Variants in CSMD3 observed in about 807,000 individuals in gnomAD.
CSMD3 encodes the protein CUB and sushi domain-containing protein 3.
A neutral mutation model predicts 435.2 loss-of-function variants in CSMD3; 177 were observed. That is an observed-to-expected ratio of 0.41 (90% CI 0.36 to 0.46). The LOEUF (loss-of-function observed/expected upper bound fraction) is 0.46, where lower values mean the gene tolerates loss of function less well. CSMD3 is among the 20% of genes least tolerant of loss of function. CSMD3 has a pLI of 0.34. For synonymous variants in CSMD3, 1,656 were observed against 1,520.5 expected, an observed-to-expected ratio of 1.09 and a Z score of -2.07; for missense variants, 4,265 against 4,504.6, an observed-to-expected ratio of 0.95 and a Z score of 1.52.
rs62519853 is a variant in CSMD3 at position 113,260,714 on chromosome 8, C to T, written c.514+17878G>A. Among the ~76,000 whole-genome samples the T allele has an allele frequency of 4.8e-3, 737 of 152,104 alleles. 1 individual carries two copies. The highest frequency in any genetic ancestry group is 7.5e-3 in the Non-Finnish European group (509 of 67,980). ...TGGTAGTTTGCTGCCCCTATCAATTCGCCATCTAGATTTTAAGCCCCACTC... is the reference window on the plus strand; with the variant it reads ...TGGTAGTTTGCTGCCCCTATCAATTTGCCATCTAGATTTTAAGCCCCACTC... On this transcript the variant is annotated intron_variant, in intron 3 of 70. Transcript: ENST00000297405.
chr8:112,464,997 T>C (rs1817818537), intron 32 of CSMD3, among the ~76,000 whole-genome samples: 1 of 152,228 alleles, frequency 6.6e-6, no homozygotes, highest in African/African-American at 2.4e-5. Flanking sequence ...TCTTTGGCAC[T>C]TACAATAGGC....
At chr8:112,779,986 T>C (rs966860526) in intron 13 of CSMD3, among the ~76,000 whole-genome samples, 3 of 152,086 alleles carry the variant, frequency 2.0e-5, no homozygotes, top group Non-Finnish European at 4.4e-5. Context: ...GAATTAATAT[T>C]TTTCTTTGAT....
intron 1 of CSMD3, among the ~76,000 whole-genome samples, chr8:113,416,245 G>A (rs756809180): frequency 6.6e-6 from 1 of 152,038 alleles, no homozygotes; most frequent in Non-Finnish European, 1.5e-5. Flanking sequence ...AGACTACTGT[G>A]TGAAAAATTT....
chr8:112,423,744 CT>C (rs1446367303), intron 32 of CSMD3, among the ~76,000 whole-genome samples: 2 of 152,042 alleles, frequency 1.3e-5, no homozygotes. Context: ...AAAGTTGAGA[CT>C]TTTTTCTTTA....
chr8:113,039,034 A>G (rs2087483201), intron 5 of CSMD3, among the ~76,000 whole-genome samples: 1 of 152,142 alleles, frequency 6.6e-6, no homozygotes. Flanking sequence ...TAAAAATAAA[A>G]TGTATTTTAA....
chr8:113,333,515 C>G (rs548543412), intron 1 of CSMD3, among the ~76,000 whole-genome samples: 58 of 151,776 alleles, frequency 3.8e-4, no homozygotes, highest in East Asian at 1.9e-4. Context: ...TGATCCAGCA[C>G]TATTTAGTAA....
chr8:112,548,552 T>C (rs1827393426), intron 27 of CSMD3, among the ~76,000 whole-genome samples: 1 of 152,162 alleles, frequency 6.6e-6, no homozygotes, highest in African/African-American at 2.4e-5. Flanking sequence ...TTAACTGACT[T>C]TCTGAACATT....
chr8:112,494,684 TAAAG>T (rs1821160639), intron 30 of CSMD3, among the ~76,000 whole-genome samples: 1 of 151,958 alleles, frequency 6.6e-6, no homozygotes, highest in Non-Finnish European at 1.5e-5. Context: ...TACAGTCTCT[TAAAG>T]AAAGCAATTA....
intron 45 of CSMD3, among the ~76,000 whole-genome samples, chr8:112,334,342 T>C (rs189274678): frequency 7.2e-5 from 11 of 152,318 alleles, no homozygotes; most frequent in South Asian, 4.1e-4. Context: ...ACAATCACAG[T>C]TGATTTACTA....
At chr8:113,222,942 C>T (rs1234659767) in intron 3 of CSMD3, among the ~76,000 whole-genome samples, 2 of 150,880 alleles carry the variant, frequency 1.3e-5, no homozygotes, top group Non-Finnish European at 3.0e-5. Context: ...TTGAAATTAG[C>T]TCACATTCAG....
intron 38 of CSMD3, among the ~76,000 whole-genome samples, chr8:112,365,940 T>C (rs2131147370): frequency 6.6e-6 from 1 of 152,276 alleles, no homozygotes; most frequent in Admixed American, 6.5e-5. Flanking sequence ...ATGCCAAAAC[T>C]TTTGTGCCCA....
chr8:112,397,097 C>T (rs936210202), intron 35 of CSMD3, among the ~76,000 whole-genome samples: 2 of 152,092 alleles, frequency 1.3e-5, no homozygotes, highest in Admixed American at 1.3e-4. Context: ...TGAGCTTTTT[C>T]TATCTTAAAA....
Position 112,706,739 on chromosome 8 carries a change from G to A in CSMD3, c.1973-16689C>T, listed in dbSNP as rs942457302. On this transcript the variant is annotated intron_variant, in intron 13 of 70. Transcript: ENST00000297405. Reference sequence around the variant, plus strand: ...AAGGAGAGAAAACCATTCTGGCTGTGCACACCAAATACTCCATACATAGCA... The same window carrying A: ...AAGGAGAGAAAACCATTCTGGCTGTACACACCAAATACTCCATACATAGCA... Among the ~76,000 whole-genome samples the A allele has an allele frequency of 1.1e-3, 167 of 152,088 alleles. 1 individual carries two copies. The highest frequency in any genetic ancestry group is 9.1e-4 in the Non-Finnish European group (62 of 67,976).
rs146142582 is a variant in CSMD3, at chr8:112,961,733, T to TA, written c.1343-6973dup. On this transcript the variant is annotated intron_variant, in intron 7 of 70. Coordinates refer to ENST00000297405, the MANE Select transcript of CSMD3 (RefSeq NM_198123.2). ...ACCGTGAACAGACTGCAAAACTATA[T>TA]AAAAAATCATGTAACTAATCATTGC... Among the ~76,000 whole-genome samples, 454 of 151,992 alleles carry TA rather than the reference T, an allele frequency of 3.0e-3. 4 individuals are homozygous for TA. The highest frequency in any genetic ancestry group is 0.01 in the African/African-American group (419 of 41,526).
chr8:113,045,287 G>T lies in CSMD3; in HGVS notation c.918-26108C>A, dbSNP rs1564248804. 1.3e-5 allele frequency among the ~76,000 whole-genome samples: 2 copies of T among 148,760 alleles called. 1 individual carries two copies. The highest frequency in any genetic ancestry group is 3.0e-5 in the Non-Finnish European group (2 of 66,138). On this transcript the variant is annotated intron_variant, in intron 5 of 70. Transcript: ENST00000297405. Reference sequence around the variant, plus strand: ...TTCTAAAGGCATACCTGCATATATTGGTTACTCAATCATTCCTGACACCAC... The same window carrying T: ...TTCTAAAGGCATACCTGCATATATTTGTTACTCAATCATTCCTGACACCAC...
At chr8:112,961,061 C>T (rs963124059) in intron 7 of CSMD3, among the ~76,000 whole-genome samples, 1 of 151,674 alleles carries the variant, frequency 6.6e-6, no homozygotes, top group Non-Finnish European at 1.5e-5. Flanking sequence ...CACAATTTTA[C>T]TATTGTGCTT....
intron 32 of CSMD3, among the ~76,000 whole-genome samples, chr8:112,446,542 C>T (rs2130553255): frequency 6.6e-6 from 1 of 152,306 alleles, no homozygotes; most frequent in Middle Eastern, 3.4e-3. Flanking sequence ...GCATTCAGTC[C>T]TATTTACAAC....
At chr8:113,148,611 G>T (rs932861640) in intron 4 of CSMD3, among the ~76,000 whole-genome samples, 1 of 151,644 alleles carries the variant, frequency 6.6e-6, no homozygotes. Context: ...AATGAGCAAT[G>T]AATTAATACA....
At chr8:113,379,974 C>A (rs1175479788) in intron 1 of CSMD3, among the ~76,000 whole-genome samples, 1 of 152,148 alleles carries the variant, frequency 6.6e-6, no homozygotes, top group Non-Finnish European at 1.5e-5. Flanking sequence ...CCTGTCTTGT[C>A]ACATGCAAAT....
Sources: gnomAD v4.1 joint callset for allele counts (sites outside exome capture counted in the v4.1 genomes callset) on GRCh38, gnomAD v4.1.1 for gene constraint, MANE v1.5 for transcripts, NCBI Gene and HGNC (gene_info 2026-07-23, HGNC 2026-07-21) for gene names.